Variants in XRCC4 observed in about 807,000 individuals in gnomAD.
XRCC4 encodes the protein X-ray repair cross complementing 4.
XRCC4 carries 28 observed loss-of-function variants against 39.1 expected under a neutral mutation model. The ratio of observed to expected loss-of-function variants is 0.72; its 90% confidence interval spans 0.53 to 0.98. The LOEUF (loss-of-function observed/expected upper bound fraction) is 0.98. Ranked by LOEUF, XRCC4 falls within the 50% of genes least tolerant of loss-of-function variation. The pLI, the probability that XRCC4 is intolerant of heterozygous loss-of-function variation, is 0.00. For synonymous variants in XRCC4, 123 were observed against 126.4 expected, an observed-to-expected ratio of 0.97 and a Z score of 0.18; for missense variants, 350 against 376.4, an observed-to-expected ratio of 0.93 and a Z score of 0.58.
At chr5:83,155,866 C>G (rs184843578) in intron 3 of XRCC4, among the ~76,000 whole-genome samples, 2 of 152,004 alleles carry the variant, frequency 1.3e-5, no homozygotes, top group African/African-American at 4.8e-5. Flanking sequence ...CTAAACCTAT[C>G]GTTATTTTAG....
chr5:83,171,907 G>T (rs1235225484), intron 3 of XRCC4, among the ~76,000 whole-genome samples: 2 of 152,222 alleles, frequency 1.3e-5, no homozygotes, highest in Admixed American at 1.3e-4. Context: ...GATTTGAATA[G>T]TACTAATTTT....
chr5:83,092,035 T>A (rs990459901), intron 1 of XRCC4, among the ~76,000 whole-genome samples: 1 of 152,214 alleles, frequency 6.6e-6, no homozygotes, highest in Non-Finnish European at 1.5e-5. Flanking sequence ...GTTGTTTTTG[T>A]TGATAGTGGC....
intron 3 of XRCC4, among the ~76,000 whole-genome samples, chr5:83,144,653 G>A (rs1748364145): frequency 7.3e-6 from 1 of 136,166 alleles, no homozygotes; most frequent in African/African-American, 2.8e-5. Flanking sequence ...TTTTTAAAAT[G>A]CTTTTCTACC....
At chr5:83,186,064 A>C (rs1750425275) in intron 3 of XRCC4, among the ~76,000 whole-genome samples, 1 of 152,208 alleles carries the variant, frequency 6.6e-6, no homozygotes, top group Admixed American at 6.5e-5. Flanking sequence ...GGGGTGGGGA[A>C]AGAAAACAAT....
At position 83,226,336 on chromosome 5, in the gene XRCC4, G is replaced by A. The variant is rs570030614; in HGVS notation, c.745+21415G>A. Among the ~76,000 whole-genome samples, 191 of 152,134 alleles carry A rather than the reference G, an allele frequency of 1.3e-3. 1 individual carries two copies. Among genetic ancestry groups the A allele is most frequent in the Non-Finnish European group, 2.0e-3 (135 of 68,002 alleles). On this transcript the variant is annotated intron_variant, in intron 6 of 7. Coordinates refer to ENST00000396027, the MANE Select transcript of XRCC4 (RefSeq NM_003401.5). The stretch of plus-strand genomic sequence containing the variant: ...AAACCAGGTTAGTAGGTAGACCCTC[G>A]AGTTGTGTTTCATAAACCCCTCTGG...
intron 3 of XRCC4, among the ~76,000 whole-genome samples, chr5:83,190,889 G>T (rs762059467): frequency 1.3e-4 from 19 of 151,996 alleles, no homozygotes; most frequent in Admixed American, 5.9e-4. Flanking sequence ...TGCCCTTTTT[G>T]TTTAAATTGT....
chr5:83,252,120 A>G (rs1753344840), intron 6 of XRCC4, among the ~76,000 whole-genome samples: 2 of 152,152 alleles, frequency 1.3e-5, no homozygotes, highest in East Asian at 1.9e-4. Flanking sequence ...GATTATCTTT[A>G]TACTTGTCAG....
At chr5:83,192,473 A>G (rs1048349024) in intron 3 of XRCC4, among the ~76,000 whole-genome samples, 1 of 151,564 alleles carries the variant, frequency 6.6e-6, no homozygotes, top group Non-Finnish European at 1.5e-5. Context: ...ACGCCCAGCT[A>G]ATTTTGTTTT....
chr5:83,196,461 T>C (rs534015929), intron 4 of XRCC4, among the ~76,000 whole-genome samples: 2 of 152,070 alleles, frequency 1.3e-5, no homozygotes, highest in Non-Finnish European at 2.9e-5. Context: ...TTGGAAGCCT[T>C]TTATTTTTAT....
At chr5:83,180,500 G>A (rs184530952) in intron 3 of XRCC4, among the ~76,000 whole-genome samples, 18 of 152,246 alleles carry the variant, frequency 1.2e-4, no homozygotes, top group Admixed American at 3.9e-4. Flanking sequence ...TCTACAGGGA[G>A]TTATCAAGTG....
intron 6 of XRCC4, among the ~76,000 whole-genome samples, chr5:83,213,963 A>G (rs999337963): frequency 1.3e-5 from 2 of 152,208 alleles, no homozygotes; most frequent in Non-Finnish European, 2.9e-5. Context: ...AAACCACCTG[A>G]TCATCTCAAT....
At chr5:83,305,040 C>T (rs1486724703) in intron 7 of XRCC4, among the ~76,000 whole-genome samples, 1 of 152,162 alleles carries the variant, frequency 6.6e-6, no homozygotes, top group Non-Finnish European at 1.5e-5. Context: ...GACTAGAAAT[C>T]AGGTAAGAAC....
At chr5:83,308,826 G>A (rs1755579987) in intron 7 of XRCC4, among the ~76,000 whole-genome samples, 1 of 151,636 alleles carries the variant, frequency 6.6e-6, no homozygotes, top group Admixed American at 6.6e-5. Context: ...GTCCTATTTA[G>A]TCTCAATTCA....
At chr5:83,309,703 G>A (rs943085637) in intron 7 of XRCC4, among the ~76,000 whole-genome samples, 1 of 133,388 alleles carries the variant, frequency 7.5e-6, no homozygotes, top group Admixed American at 9.0e-5. Context: ...GGCGGAGGTT[G>A]CAGTGATCGC....
intron 6 of XRCC4, among the ~76,000 whole-genome samples, chr5:83,220,853 G>A (rs1456917052): frequency 6.6e-6 from 1 of 152,048 alleles, no homozygotes; most frequent in African/African-American, 2.4e-5. Flanking sequence ...TGAATAATTT[G>A]GACAAAATCA....
At position 83,252,519 on chromosome 5, in the gene XRCC4, C is replaced by CT. The variant is rs558778043; in HGVS notation, c.746-6008dup. Reference sequence around the variant, plus strand: ...TAGCCTAAATGAATATTAATTTGGTCTTTCGTTGACAACATACTGTTTTAA... The same window carrying CT: ...TAGCCTAAATGAATATTAATTTGGTCTTTTCGTTGACAACATACTGTTTTAA... On this transcript the variant is annotated intron_variant, in intron 6 of 7. Transcript: ENST00000396027. 1.1e-4 allele frequency among the ~76,000 whole-genome samples: 16 copies of CT among 151,310 alleles called. No individual in the cohort carries two copies. In the South Asian group the frequency reaches 3.3e-3, roughly 31 times the overall value.
chr5:83,191,354 G>A (rs1012064905), intron 3 of XRCC4, among the ~76,000 whole-genome samples: 2 of 152,134 alleles, frequency 1.3e-5, no homozygotes, highest in African/African-American at 4.8e-5. Context: ...ACAGGGGCAG[G>A]TCTTTCCTGT....
chr5:83,163,459 A>G (rs1184860421), intron 3 of XRCC4, among the ~76,000 whole-genome samples: 4 of 152,198 alleles, frequency 2.6e-5, no homozygotes, highest in Non-Finnish European at 4.4e-5. Flanking sequence ...TCATTAATGA[A>G]ACCATTTTAT....
At chr5:83,213,364 A>G (rs918417497) in intron 6 of XRCC4, among the ~76,000 whole-genome samples, 2 of 152,084 alleles carry the variant, frequency 1.3e-5, no homozygotes, top group African/African-American at 4.8e-5. Flanking sequence ...TTTCTTTTTT[A>G]TTATTGTCTT....
Sources: allele counts gnomAD v4.1 joint callset (sites outside exome capture counted in the v4.1 genomes callset), GRCh38; gene constraint gnomAD v4.1.1; transcripts MANE v1.5; gene names NCBI Gene and HGNC (gene_info 2026-07-23, HGNC 2026-07-21).